Variants in PDE1A observed in about 807,000 individuals in gnomAD.
The protein encoded by PDE1A is phosphodiesterase 1A.
Under a neutral mutation model 61.7 loss-of-function variants are expected in PDE1A, and 35 were observed. The observed-to-expected ratio is 0.57, with a 90% confidence interval of 0.43 to 0.75. The LOEUF is 0.75. Ranked by LOEUF, PDE1A falls within the 30% of genes least tolerant of loss-of-function variation. PDE1A has a pLI of 0.00. For synonymous variants in PDE1A, 232 were observed against 213.2 expected (o/e 1.09, Z -0.77); for missense variants, 597 against 630.6 (o/e 0.95, Z 0.57).
At chr2:182,623,392 C>T in the PDE1A span, among the ~76,000 whole-genome samples, 1 of 152,058 alleles carries the variant, frequency 6.6e-6, no homozygotes, top group East Asian at 1.9e-4. Context: ...TCACAGGGCC[C>T]AAAAGACAGA....
chr2:182,679,770 T>G, the PDE1A span, among the ~76,000 whole-genome samples: 1 of 152,158 alleles, frequency 6.6e-6, no homozygotes, highest in East Asian at 1.9e-4. Flanking sequence ...AATTCACAGA[T>G]CTAATGTGAT....
chr2:182,663,504 T>G, the PDE1A span, among the ~76,000 whole-genome samples: 9 of 152,128 alleles, frequency 5.9e-5, no homozygotes, highest in Non-Finnish European at 1.2e-4. Context: ...AAAAATGAAT[T>G]AGATCATGTC....
chr2:182,164,107 T>C (rs1444146186), downstream of PDE1A, among the ~76,000 whole-genome samples: 3 of 152,052 alleles, frequency 2.0e-5, no homozygotes, highest in African/African-American at 7.2e-5. Flanking sequence ...CTGGGTGTTA[T>C]TTGGCCCATT....
chr2:182,341,223 A>T (rs1447461020), intron 1 of PDE1A, among the ~76,000 whole-genome samples: 1 of 152,180 alleles, frequency 6.6e-6, no homozygotes, highest in Non-Finnish European at 1.5e-5. Flanking sequence ...GAGAAGCAAA[A>T]TTCAAGCGAT....
the PDE1A span, among the ~76,000 whole-genome samples, chr2:182,673,592 C>T: frequency 1.3e-5 from 2 of 151,928 alleles, no homozygotes; most frequent in African/African-American, 4.8e-5. Flanking sequence ...TAATATTAAA[C>T]ATTTTAAATA....
chr2:182,550,514 T>C, the PDE1A span, among the ~76,000 whole-genome samples: 23 of 152,132 alleles, frequency 1.5e-4, no homozygotes, highest in African/African-American at 4.3e-4. Flanking sequence ...GTAAAGCAAG[T>C]ACTGGTGATT....
chr2:182,236,481 G>A (rs1471587), intron 3 of PDE1A, among the ~76,000 whole-genome samples: 63,241 of 151,828 alleles, frequency 0.42, 13,699 homozygotes, highest in Middle Eastern at 0.57. Flanking sequence ...TCAGGATTAA[G>A]AAATTTTAAA....
the PDE1A span, among the ~76,000 whole-genome samples, chr2:182,623,928 A>T: frequency 3.9e-5 from 6 of 152,192 alleles, no homozygotes; most frequent in African/African-American, 1.4e-4. Flanking sequence ...GACCGAGACC[A>T]TCCTGGCTAA....
intron 1 of PDE1A, among the ~76,000 whole-genome samples, chr2:182,388,907 C>A (rs1701268850): frequency 6.6e-6 from 1 of 151,482 alleles, no homozygotes; most frequent in Non-Finnish European, 1.5e-5. Context: ...TATAGCTAGA[C>A]TAAGAAAAAA....
chr2:182,204,139 C>CAG (rs34318365), intron 8 of PDE1A, among the ~76,000 whole-genome samples: 112,414 of 151,796 alleles, frequency 0.74, 41,812 homozygotes, highest in East Asian at 0.91. Context: ...TGAATAACAA[C>CAG]AAATTAATAT....
At chr2:182,257,666 G>T (rs1691916977) in intron 2 of PDE1A, among the ~76,000 whole-genome samples, 1 of 152,148 alleles carries the variant, frequency 6.6e-6, no homozygotes, top group African/African-American at 2.4e-5. Flanking sequence ...CATAGGGGTT[G>T]ATCCTTAGAG....
chr2:182,349,550 C>T (rs554174540), intron 1 of PDE1A, among the ~76,000 whole-genome samples: 1 of 152,282 alleles, frequency 6.6e-6, no homozygotes, highest in East Asian at 1.9e-4. Flanking sequence ...TGTAAACCAT[C>T]AATCTTCTGA....
the PDE1A span, among the ~76,000 whole-genome samples, chr2:182,559,329 A>G: frequency 1.3e-5 from 2 of 152,210 alleles, no homozygotes; most frequent in Admixed American, 1.3e-4. Context: ...AGGTCTGTAA[A>G]CTATGGTAAG....
At chr2:182,361,873 A>T (rs1306828833) in intron 1 of PDE1A, among the ~76,000 whole-genome samples, 1 of 152,018 alleles carries the variant, frequency 6.6e-6, no homozygotes, top group Admixed American at 6.6e-5. Flanking sequence ...AGATCCAGGG[A>T]GGCTCCTGCT....
At chr2:182,481,486 T>C (rs1408541401) in intron 2 of PDE1A, among the ~76,000 whole-genome samples, 2 of 151,878 alleles carry the variant, frequency 1.3e-5, no homozygotes, top group Non-Finnish European at 2.9e-5. Context: ...GCTGAAAATA[T>C]TTCATTCTAA....
At chr2:182,625,402 T>A in the PDE1A span, among the ~76,000 whole-genome samples, 1 of 152,196 alleles carries the variant, frequency 6.6e-6, no homozygotes. Flanking sequence ...AAATAGGTAG[T>A]TAGTTTAACT....
chr2:182,695,674 A>G, the PDE1A span, among the ~76,000 whole-genome samples: 22 of 91,458 alleles, frequency 2.4e-4, no homozygotes, highest in Non-Finnish European at 5.0e-4. Flanking sequence ...CTCAAAAAAA[A>G]AAAAAAAAAA....
chr2:182,650,905 T>C, the PDE1A span, among the ~76,000 whole-genome samples: 2 of 152,250 alleles, frequency 1.3e-5, no homozygotes, highest in African/African-American at 4.8e-5. Context: ...CTTTTAAATA[T>C]CTGCCTTCAT....
chr2:182,547,535 G>T, the PDE1A span, among the ~76,000 whole-genome samples: 1 of 152,124 alleles, frequency 6.6e-6, no homozygotes, highest in African/African-American at 2.4e-5. Flanking sequence ...ATCAGGCCAG[G>T]TTAACCAACA....
Sources: allele counts gnomAD v4.1 joint callset (sites outside exome capture counted in the v4.1 genomes callset), GRCh38; gene constraint gnomAD v4.1.1; transcripts MANE v1.5; gene names NCBI Gene and HGNC (gene_info 2026-07-23, HGNC 2026-07-21).